The following ZNF200 variants were observed in gnomAD, a reference collection of about 807,000 sequenced individuals.
ZNF200 encodes zinc finger protein 200.
ZNF200 carries 35 observed loss-of-function variants against 33.6 expected under a neutral mutation model. That is an observed-to-expected ratio of 1.04 (90% confidence interval 0.80 to 1.38). ZNF200 has a LOEUF of 1.38. Ranked by LOEUF, ZNF200 falls within the 40% of genes most tolerant of loss-of-function variation. ZNF200 has a pLI of 0.00. For synonymous variants in ZNF200, 209 were observed against 167.7 expected, an observed-to-expected ratio of 1.25 and a Z score of -1.90; for missense variants, 592 against 470.6, an observed-to-expected ratio of 1.26 and a Z score of -2.39.
Position 3,223,635 on chromosome 16 carries a change from C to G in ZNF200, c.*257G>C. The G allele has an allele frequency of 2.3e-6, 1 of 426,702 alleles. No individual in the cohort carries two copies. The highest frequency in any genetic ancestry group is 4.1e-6 in the Non-Finnish European group (1 of 243,486). 26.4% of individuals were successfully genotyped at this position (426,702 alleles called of 1,614,324 possible). The stretch of plus-strand genomic sequence containing the variant: ...TGGGAAAGGGGATCTGTGACCTGTA[C>G]ATTATCATATAACTTCAAAAAGGAA... On this transcript the variant is annotated 3_prime_UTR_variant, in exon 5 of 5. Coordinates refer to ENST00000414144, the MANE Select transcript of ZNF200 (RefSeq NM_198088.3).
At chr16:3,229,885 T>G (rs761824368) in intron 4 of ZNF200, among the ~76,000 whole-genome samples, 1 of 151,322 alleles carries the variant, frequency 6.6e-6, no homozygotes, top group Non-Finnish European at 1.5e-5. Context: ...AGAAGGAAAC[T>G]TCCAAATTCA....
In ZNF200 at chr16:3,233,510, G is replaced by A. The variant is rs766376711; in HGVS notation, c.246C>T (p.Asn82=). 2 of 1,549,798 alleles carry A rather than the reference G, an allele frequency of 1.3e-6. No homozygotes were observed. Among genetic ancestry groups the A allele is most frequent in the African/African-American group, 1.4e-5 (1 of 72,972 alleles). ...IMKDVSSSLQ[N]RVHPRPLVKL... is the part of the protein sequence containing the mutation. ...AAACAAGCATGTGCTTCTCACCTCT[G>A]TTCTGAAGGCTTGAGCTCACATCTT... Residue 82 remains asparagine (N), a synonymous_variant, in exon 2 of 5, where the codon AAC becomes AAT. Transcript: ENST00000414144.
chr16:3,232,890 G>A lies in ZNF200; in HGVS notation c.282C>T (p.Pro94=). Residue 94 remains proline, a synonymous_variant, in exon 3 of 5, where the codon CCC becomes CCT. Coordinates refer to ENST00000414144, the MANE Select transcript of ZNF200 (RefSeq NM_198088.3). ...VHPRPLVKLL[P]KGVQKEQETV... ...TCTCTTGTTCCTTTTGGACTCCTTTGGGCAGAAGCTTCACCAAGGGACGAG... is the reference window on the plus strand; with the variant it reads ...TCTCTTGTTCCTTTTGGACTCCTTTAGGCAGAAGCTTCACCAAGGGACGAG... 1 of 1,613,812 alleles carries A rather than the reference G, an allele frequency of 6.2e-7. No individual in the cohort carries two copies. Among genetic ancestry groups the A allele is most frequent in the Non-Finnish European group, 8.5e-7 (1 of 1,179,840 alleles).
At position 3,224,493 on chromosome 16, in the gene ZNF200, G is replaced by A. The variant is rs1490790829; in HGVS notation, c.587C>T (p.Pro196Leu). The A allele has an allele frequency of 6.2e-7, 1 of 1,614,140 alleles. No homozygotes were observed. The highest frequency in any genetic ancestry group is 1.7e-5 in the Admixed American group (1 of 60,006). ...TCGTTCCTTTTCCTGGTTATCGGGA[G>A]GCTGCTGAGAGACCAAGGAAGAATC... ...EMDSSLVSQQ[P>L]PDNQEKERLN... The change falls in exon 5 of 5, where the codon CCT (proline) becomes CTT (leucine). Residue 196 changes from proline (P) to leucine (L), a missense_variant. Physicochemically the swap from Pro to Leu is moderately conservative, Grantham distance 98 (BLOSUM62 -3). Transcript: ENST00000414144.
At chr16:3,230,114 CTT>C (rs1369207747) in intron 4 of ZNF200, among the ~76,000 whole-genome samples, 1 of 152,220 alleles carries the variant, frequency 6.6e-6, no homozygotes, top group African/African-American at 2.4e-5. Context: ...TTCCTACTCT[CTT>C]TCTTCCTCTC....
At chr16:3,228,775 C>T (rs1439422212) in intron 4 of ZNF200, among the ~76,000 whole-genome samples, 1 of 152,078 alleles carries the variant, frequency 6.6e-6, no homozygotes, top group East Asian at 1.9e-4. Context: ...GCTGGGATTA[C>T]AGCCGTGAAC....
rs1239056421 is a variant in ZNF200 at position 3,223,886 on chromosome 16, C to T, written c.*6G>A. 3.7e-6 allele frequency: 6 copies of T among 1,601,020 alleles called. No individual in the cohort carries two copies. Among genetic ancestry groups the T allele is most frequent in the African/African-American group, 2.7e-5 (2 of 74,396 alleles). On this transcript the variant is annotated 3_prime_UTR_variant, in exon 5 of 5. Transcript: ENST00000414144. ...GCACCATCAGACCCAGAAAGGGTTCCCAGTATTACTTCTGCTTTCGGGTCT... is the reference window on the plus strand; with the variant it reads ...GCACCATCAGACCCAGAAAGGGTTCTCAGTATTACTTCTGCTTTCGGGTCT...
At chr16:3,230,186 A>G (rs1958598696) in intron 4 of ZNF200, among the ~76,000 whole-genome samples, 3 of 152,232 alleles carry the variant, frequency 2.0e-5, no homozygotes, top group African/African-American at 7.2e-5. Flanking sequence ...CCTCACCAGA[A>G]GCAGACGCTG....
intron 2 of ZNF200, among the ~76,000 whole-genome samples, 188 bp from the exon 3 acceptor site, chr16:3,233,109 T>A (rs1403764715): frequency 6.6e-6 from 1 of 152,188 alleles, no homozygotes; most frequent in Non-Finnish European, 1.5e-5. Flanking sequence ...CTCCCTGTTA[T>A]GAAAAGAATG....
Position 3,232,889 on chromosome 16 carries a change from T to C in ZNF200, c.283A>G (p.Lys95Glu). The C allele has an allele frequency of 7.4e-6, 12 of 1,613,868 alleles. No individual in the cohort carries two copies. The highest frequency in any genetic ancestry group is 1.0e-5 in the Non-Finnish European group (12 of 1,179,848). ...HPRPLVKLLPKGVQKEQETVS... is the reference protein window; with the variant it reads ...HPRPLVKLLPEGVQKEQETVS... ...GTCTCTTGTTCCTTTTGGACTCCTT[T>C]GGGCAGAAGCTTCACCAAGGGACGA... Residue 95 changes from lysine (K) to glutamate (E), a missense_variant, in exon 3 of 5, where the codon AAA becomes GAA. Lys to Glu is a moderately conservative substitution (Grantham distance 56). Transcript: ENST00000414144.
intron 4 of ZNF200, among the ~76,000 whole-genome samples, chr16:3,230,299 T>A (rs1048957957): frequency 7.9e-5 from 12 of 152,240 alleles, no homozygotes; most frequent in Non-Finnish European, 1.6e-4. Flanking sequence ...CAGCACAAAA[T>A]GTACTAAGAC....
At chr16:3,226,104 G>A (rs1029107900) in intron 4 of ZNF200, 2 of 140,728 alleles carry the variant, frequency 1.4e-5, no homozygotes, top group African/African-American at 5.3e-5. Flanking sequence ...CCAGGTTGGA[G>A]TGCAATGGCA....
Position 3,222,615 on chromosome 16 carries a change from T to C in ZNF200, c.*1277A>G, listed in dbSNP as rs1022394614. On this transcript the variant is annotated 3_prime_UTR_variant, in exon 5 of 5. Transcript: ENST00000414144. ...GGATGGGAAACATACACTATAATTTTTCCCAAATAGCTTATAGGATTTCTT... is the reference window on the plus strand; with the variant it reads ...GGATGGGAAACATACACTATAATTTCTCCCAAATAGCTTATAGGATTTCTT... 1.3e-5 allele frequency: 2 copies of C among 152,218 alleles called. No homozygotes were observed. Among genetic ancestry groups the C allele is most frequent in the Admixed American group, 1.3e-4 (2 of 15,276 alleles). The allele number at this position is 152,218 out of a possible 1,614,324, so 9.4% of individuals were successfully genotyped here.
At position 3,233,400 on chromosome 16, in the gene ZNF200, T is replaced by A. The variant is rs1958698004; in HGVS notation, c.250+106A>T. On this transcript the variant is annotated intron_variant, in intron 2 of 4. Coordinates refer to ENST00000414144, the MANE Select transcript of ZNF200 (RefSeq NM_198088.3). ...TTCCAACACTAGAATTGACTCCTTTTCCAATATACACCATCCTAACTTGAA... is the reference window on the plus strand; with the variant it reads ...TTCCAACACTAGAATTGACTCCTTTACCAATATACACCATCCTAACTTGAA... 4 of 1,423,052 alleles carry A rather than the reference T, an allele frequency of 2.8e-6. No individual in the cohort carries two copies. In the South Asian group the frequency reaches 4.8e-5, roughly 17 times the overall value. 88.2% of individuals were successfully genotyped at this position (1,423,052 alleles called of 1,614,324 possible).
Position 3,222,919 on chromosome 16 carries a change from C to G in ZNF200, c.*973G>C, listed in dbSNP as rs768946804. On this transcript the variant is annotated 3_prime_UTR_variant, in exon 5 of 5. Transcript: ENST00000414144. ...TTTGCCTTGTGAGGTAGTGACCACC[C>G]CATTGCCAAAGGTCTGATGACAGCA... The G allele has an allele frequency of 6.6e-6, 1 of 152,120 alleles. No individual in the cohort carries two copies. Among genetic ancestry groups the G allele is most frequent in the Non-Finnish European group, 1.5e-5 (1 of 68,048 alleles). The allele number at this position is 152,120 out of a possible 1,614,324, so 9.4% of individuals were successfully genotyped here.
In ZNF200 at chr16:3,224,367, C is replaced by T. The variant is rs1388026692; in HGVS notation, c.713G>A (p.Ser238Asn). The T allele has an allele frequency of 2.5e-6, 4 of 1,614,156 alleles. No homozygotes were observed. The highest frequency in any genetic ancestry group is 2.5e-6 in the Non-Finnish European group (3 of 1,180,036). ...CCGATTTCGAGTAAGGGCAATAATA[C>T]TGATGTCTACATATTTTGAGAGTTC... The part of the protein sequence containing the change: ...LEELSKYVDI[S>N]IIALTRNRRT... Residue 238 changes from serine to asparagine, a missense_variant, in exon 5 of 5, where the codon AGT becomes AAT. Transcript: ENST00000414144.
In ZNF200 at chr16:3,224,169, C is replaced by G. The variant is rs1958405284; in HGVS notation, c.911G>C (p.Gly304Ala). 6.2e-7 allele frequency: 1 copy of G among 1,614,046 alleles called. No individual in the cohort carries two copies. Among genetic ancestry groups the G allele is most frequent in the African/African-American group, 1.3e-5 (1 of 74,906 alleles). ...CTGAGAACAGGAATAAGGTTTCTCT[C>G]CTGTATGAATTCGCTCATGTTTATT... ...NLNKHERIHT[G>A]EKPYSCSQCG... The change falls in exon 5 of 5, where the codon GGA becomes GCA. Residue 304 changes from glycine to alanine, a missense_variant. By Grantham distance (60) the Gly-to-Ala change is moderately conservative. Coordinates refer to ENST00000414144, the MANE Select transcript of ZNF200 (RefSeq NM_198088.3).
chr16:3,229,723 G>C (rs1958585126), intron 4 of ZNF200, among the ~76,000 whole-genome samples: 3 of 152,098 alleles, frequency 2.0e-5, no homozygotes, highest in Admixed American at 1.3e-4. Flanking sequence ...AAATCAGCCG[G>C]ACAAGGTGGC....
chr16:3,231,281 C>T (rs1197851487), intron 4 of ZNF200, among the ~76,000 whole-genome samples: 1 of 152,154 alleles, frequency 6.6e-6, no homozygotes, highest in Non-Finnish European at 1.5e-5. Flanking sequence ...ATCTTTTTAT[C>T]CTTTTCTCTA....
Sources: gnomAD v4.1 joint callset for allele counts (sites outside exome capture counted in the v4.1 genomes callset) on GRCh38, gnomAD v4.1.1 for gene constraint, MANE v1.5 for transcripts, NCBI Gene and HGNC (gene_info 2026-07-23, HGNC 2026-07-21) for gene names.